AKAP6: variants seen among roughly 807,000 people sequenced by gnomAD.
The protein encoded by AKAP6 is A-kinase anchoring protein 6.
AKAP6 carries 58 observed loss-of-function variants against 188.5 expected under a neutral mutation model. The observed-to-expected ratio is 0.31, with a 90% CI of 0.25 to 0.38. The LOEUF is 0.38. Among genes scored for constraint, AKAP6 ranks in the 10% least tolerant of loss-of-function variants. The probability of loss-of-function intolerance (pLI) is 1.00; values close to 1 mark genes in which losing one functional copy is unlikely to be tolerated. For missense variants in AKAP6, 2,710 were observed against 2,740.0 expected (o/e 0.99, Z 0.24); for synonymous variants, 989 against 998.6 (o/e 0.99, Z 0.18).
At position 32,673,520 on chromosome 14, in the gene AKAP6, A is replaced by G. The variant is rs1197973550; in HGVS notation, c.2731-4791A>G. On this transcript the variant is annotated intron_variant, in intron 7 of 13. Coordinates refer to ENST00000280979, the MANE Select transcript of AKAP6 (RefSeq NM_004274.5). ...GAGGCTGAGGCAGGTGGATCATCTGAGCCCAGGAGTTCAAGACCAGCCTGG... is the reference window on the plus strand; with the variant it reads ...GAGGCTGAGGCAGGTGGATCATCTGGGCCCAGGAGTTCAAGACCAGCCTGG... 2.0e-5 allele frequency among the ~76,000 whole-genome samples: 3 copies of G among 152,184 alleles called. No homozygotes were observed. In the East Asian group the frequency reaches 5.8e-4, roughly 29 times the overall value.
At chr14:32,792,874 C>A (rs2033652806) in intron 12 of AKAP6, among the ~76,000 whole-genome samples, 1 of 152,104 alleles carries the variant, frequency 6.6e-6, no homozygotes, top group South Asian at 2.1e-4. Context: ...TTGAGATAAT[C>A]ATGTGGCTTA....
chr14:32,413,732 T>G (rs977509925), intron 1 of AKAP6, among the ~76,000 whole-genome samples: 1 of 152,140 alleles, frequency 6.6e-6, no homozygotes, highest in Admixed American at 6.6e-5. Flanking sequence ...GAAACATCAT[T>G]GGATGTCTCT....
intron 8 of AKAP6, among the ~76,000 whole-genome samples, chr14:32,689,612 G>A (rs1890083808): frequency 6.6e-6 from 1 of 152,076 alleles, no homozygotes; most frequent in South Asian, 2.1e-4. Flanking sequence ...AGTGGAAAGG[G>A]ATTGTACATG....
chr14:32,671,591 A>G (rs1278958911), intron 7 of AKAP6, among the ~76,000 whole-genome samples: 2 of 152,066 alleles, frequency 1.3e-5, no homozygotes, highest in Non-Finnish European at 2.9e-5. Context: ...GCAGGAAAGA[A>G]AGGCAATTTT....
In AKAP6 at chr14:32,825,509, G is replaced by A. The variant is rs575483542; in HGVS notation, c.*42+694G>A. On this transcript the variant is annotated intron_variant, in intron 13 of 13. Transcript: ENST00000280979. ...GCGTTTTGATAAAAACAGAATTTTT[G>A]AATTTTGCCTGAAGGTGACAGGCTG... Among the ~76,000 whole-genome samples the A allele has an allele frequency of 1.9e-4, 29 of 152,292 alleles. No homozygotes were observed. The East Asian group carries it at 5.6e-3, about 29-fold the overall frequency.
chr14:32,352,240 C>T (rs1487172392), intron 1 of AKAP6, among the ~76,000 whole-genome samples: 3 of 151,464 alleles, frequency 2.0e-5, no homozygotes, highest in African/African-American at 7.3e-5. Flanking sequence ...TGTGCCTTTC[C>T]CAACCTCCCA....
chr14:32,744,748 T>C (rs985302712), intron 11 of AKAP6, among the ~76,000 whole-genome samples: 9 of 152,190 alleles, frequency 5.9e-5, no homozygotes, highest in African/African-American at 2.2e-4. Flanking sequence ...AACTCTTAGA[T>C]TGGCCCTTTT....
At chr14:32,435,344 T>C (rs56211150) in intron 2 of AKAP6, among the ~76,000 whole-genome samples, 12,438 of 152,240 alleles carry the variant, frequency 0.082, 663 homozygotes, top group South Asian at 0.22. Flanking sequence ...AAATGTGTTG[T>C]TAAGGGCTAT....
chr14:32,637,820 A>G (rs7152044), intron 7 of AKAP6, among the ~76,000 whole-genome samples: 98,341 of 151,824 alleles, frequency 0.65, 33,282 homozygotes, highest in East Asian at 0.94. Context: ...ATGGGAGTTG[A>G]TTGCAGAATG....
intron 9 of AKAP6, among the ~76,000 whole-genome samples, chr14:32,720,256 AT>A (rs1189260579): frequency 6.6e-6 from 1 of 152,234 alleles, no homozygotes; most frequent in Non-Finnish European, 1.5e-5. Flanking sequence ...TTTAAAGTTT[AT>A]TCTTCAAATT....
chr14:32,467,427 G>C (rs776574328), intron 2 of AKAP6, among the ~76,000 whole-genome samples: 1 of 151,968 alleles, frequency 6.6e-6, no homozygotes, highest in Middle Eastern at 3.4e-3. Flanking sequence ...TTCTGTTTTT[G>C]TATGTTTTAA....
intron 9 of AKAP6, among the ~76,000 whole-genome samples, chr14:32,719,654 CTA>C (rs1298835110): frequency 6.6e-6 from 1 of 152,140 alleles, no homozygotes; most frequent in African/African-American, 2.4e-5. Flanking sequence ...GTTTAAAACT[CTA>C]TGTGATTTGG....
At chr14:32,761,301 T>C (rs565105427) in intron 11 of AKAP6, among the ~76,000 whole-genome samples, 1 of 152,306 alleles carries the variant, frequency 6.6e-6, no homozygotes, top group Non-Finnish European at 1.5e-5. Flanking sequence ...CCTAGAGTTC[T>C]TGAATCCATT....
At chr14:32,759,479 C>A (rs538189267) in intron 11 of AKAP6, among the ~76,000 whole-genome samples, 2 of 152,280 alleles carry the variant, frequency 1.3e-5, no homozygotes, top group East Asian at 3.9e-4. Flanking sequence ...CAAGCCAAGA[C>A]CACCAGCAAA....
At chr14:32,662,900 C>T (rs1164134846) in intron 7 of AKAP6, among the ~76,000 whole-genome samples, 1 of 151,962 alleles carries the variant, frequency 6.6e-6, no homozygotes, top group African/African-American at 2.4e-5. Flanking sequence ...GGCATTTTTT[C>T]CTGTAGACTT....
intron 2 of AKAP6, among the ~76,000 whole-genome samples, chr14:32,467,754 T>A (rs1472676055): frequency 6.6e-6 from 1 of 152,104 alleles, no homozygotes; most frequent in Non-Finnish European, 1.5e-5. Context: ...AAGAAGTTGG[T>A]CTGTAATTCC....
In AKAP6 at chr14:32,740,894, G is replaced by A. The variant is rs144870575; in HGVS notation, c.3372+5012G>A. On this transcript the variant is annotated intron_variant, in intron 11 of 13. Transcript: ENST00000280979. ...TTTTAAAATTGTTTTTTCCATTTCTGTGAAGAATGTCATTGGTATTTTGAT... is the reference window on the plus strand; with the variant it reads ...TTTTAAAATTGTTTTTTCCATTTCTATGAAGAATGTCATTGGTATTTTGAT... Among the ~76,000 whole-genome samples the A allele has an allele frequency of 4.6e-4, 70 of 151,966 alleles. 1 individual carries two copies. The East Asian group carries it at 0.01, about 23-fold the overall frequency.
At chr14:32,763,527 A>T (rs2032607222) in intron 11 of AKAP6, among the ~76,000 whole-genome samples, 2 of 152,098 alleles carry the variant, frequency 1.3e-5, no homozygotes, top group African/African-American at 4.8e-5. Flanking sequence ...GTAGTATATG[A>T]TGTATGTTAT....
intron 3 of AKAP6, among the ~76,000 whole-genome samples, chr14:32,541,879 T>C (rs1431867070): frequency 6.6e-6 from 1 of 152,246 alleles, no homozygotes; most frequent in African/African-American, 2.4e-5. Flanking sequence ...GCACAAAAGT[T>C]ATACAATTCC....
Sources: gnomAD v4.1 joint callset for allele counts (sites outside exome capture counted in the v4.1 genomes callset) on GRCh38, gnomAD v4.1.1 for gene constraint, MANE v1.5 for transcripts, NCBI Gene and HGNC (gene_info 2026-07-23, HGNC 2026-07-21) for gene names.